TRIM44: variants seen among roughly 807,000 people sequenced by gnomAD.
The protein encoded by TRIM44 is tripartite motif containing 44.
A neutral mutation model predicts 37.4 loss-of-function variants in TRIM44; 13 were observed. The observed-to-expected ratio is 0.35, with a 90% CI of 0.23 to 0.55. The LOEUF (loss-of-function observed/expected upper bound fraction) is 0.55. Ranked by LOEUF, TRIM44 falls within the 20% of genes least tolerant of loss-of-function variation. The probability of loss-of-function intolerance (pLI) is 0.89; values close to 1 mark genes in which losing one functional copy is unlikely to be tolerated. For missense variants in TRIM44, 426 were observed against 437.2 expected (o/e 0.97, Z 0.23); for synonymous variants, 175 against 157.2 (o/e 1.11, Z -0.85).
chr11:35,701,653 T>C (rs1330262023), intron 2 of TRIM44, among the ~76,000 whole-genome samples: 1 of 152,166 alleles, frequency 6.6e-6, no homozygotes, highest in East Asian at 1.9e-4. Flanking sequence ...TGGGCTGTCT[T>C]GAACAGCAGG....
intron 4 of TRIM44, among the ~76,000 whole-genome samples, chr11:35,789,258 C>A (rs915450120): frequency 6.6e-5 from 10 of 151,990 alleles, no homozygotes; most frequent in African/African-American, 2.4e-4. Context: ...GTAGAAGAGC[C>A]ATCTGATATA....
intron 2 of TRIM44, among the ~76,000 whole-genome samples, chr11:35,699,966 A>G (rs920997263): frequency 2.6e-5 from 4 of 152,192 alleles, no homozygotes; most frequent in African/African-American, 9.6e-5. Context: ...AAAGAAATGG[A>G]AGAACATTCC....
intron 4 of TRIM44, among the ~76,000 whole-genome samples, chr11:35,764,874 A>G (rs536165486): frequency 6.6e-6 from 1 of 152,172 alleles, no homozygotes; most frequent in African/African-American, 2.4e-5. Context: ...TCAGTATTAA[A>G]TTTATTATGC....
intron 2 of TRIM44, among the ~76,000 whole-genome samples, chr11:35,713,785 G>A (rs748084730): frequency 2.0e-5 from 3 of 152,130 alleles, no homozygotes; most frequent in Non-Finnish European, 4.4e-5. Context: ...ACAAAGAAGA[G>A]AAAATACCAT....
intron 2 of TRIM44, among the ~76,000 whole-genome samples, chr11:35,697,985 G>A (rs1248959412): frequency 2.0e-5 from 3 of 151,224 alleles, no homozygotes; most frequent in East Asian, 3.9e-4. Context: ...GGGATGGCTG[G>A]GTCAAATGGT....
chr11:35,770,068 G>A lies in TRIM44; in HGVS notation c.1007+34623G>A, dbSNP rs149470897. Among the ~76,000 whole-genome samples, 1,252 of 152,106 alleles carry A rather than the reference G, an allele frequency of 8.2e-3. 25 individuals are homozygous for A. Among genetic ancestry groups the A allele is most frequent in the African/African-American group, 0.029 (1,203 of 41,496 alleles). ...CAACCCTTGCCCCACTCCCTTCCCC[G>A]TCTAGTAGTCCCTAGTGTCTATTAT... On this transcript the variant is annotated intron_variant, in intron 4 of 4. Transcript: ENST00000299413.
At chr11:35,702,296 CG>C (rs1195478835) in intron 2 of TRIM44, among the ~76,000 whole-genome samples, 2 of 152,188 alleles carry the variant, frequency 1.3e-5, no homozygotes, top group Non-Finnish European at 2.9e-5. Context: ...GCCCACGCTC[CG>C]GGAGGGCAGC....
intron 2 of TRIM44, among the ~76,000 whole-genome samples, chr11:35,725,312 T>C (rs908378415): frequency 2.0e-5 from 3 of 152,076 alleles, no homozygotes; most frequent in African/African-American, 4.8e-5. Flanking sequence ...TTAACAGTAA[T>C]TGGGGCGGAG....
At chr11:35,724,676 C>T (rs990893821) in intron 2 of TRIM44, among the ~76,000 whole-genome samples, 1 of 152,152 alleles carries the variant, frequency 6.6e-6, no homozygotes, top group African/African-American at 2.4e-5. Context: ...ATGCCCTAAG[C>T]ATAAATATAG....
chr11:35,801,210 A>G (rs1221930081), intron 4 of TRIM44, among the ~76,000 whole-genome samples: 1 of 152,236 alleles, frequency 6.6e-6, no homozygotes, highest in African/African-American at 2.4e-5. Context: ...TGAAAGTGTG[A>G]GACTTCCCAA....
chr11:35,687,959 C>T (rs1372764964), intron 2 of TRIM44, among the ~76,000 whole-genome samples: 6 of 152,066 alleles, frequency 3.9e-5, no homozygotes, highest in African/African-American at 9.7e-5. Context: ...GAAGGGTGAA[C>T]GTAATTGCAG....
At chr11:35,779,101 G>A (rs1043420478) in intron 4 of TRIM44, among the ~76,000 whole-genome samples, 7 of 152,174 alleles carry the variant, frequency 4.6e-5, no homozygotes, top group Admixed American at 3.9e-4. Context: ...TACCCAGTTC[G>A]AGCTTCCCAG....
At chr11:35,711,517 T>C (rs536922510) in intron 2 of TRIM44, among the ~76,000 whole-genome samples, 6 of 151,734 alleles carry the variant, frequency 4.0e-5, no homozygotes, top group African/African-American at 1.2e-4. Flanking sequence ...ACATATTTCA[T>C]AGGTTGTTGG....
chr11:35,773,996 A>G (rs1852913990), intron 4 of TRIM44, among the ~76,000 whole-genome samples: 2 of 152,192 alleles, frequency 1.3e-5, no homozygotes. Flanking sequence ...CAGTAATGGG[A>G]TGGCTGGGTC....
chr11:35,679,918 CA>C (rs1430758133), intron 1 of TRIM44, among the ~76,000 whole-genome samples: 1 of 152,130 alleles, frequency 6.6e-6, no homozygotes, highest in African/African-American at 2.4e-5. Flanking sequence ...CAGTTGCTGG[CA>C]GTGCTAGTAG....
intron 2 of TRIM44, among the ~76,000 whole-genome samples, chr11:35,706,962 G>A (rs1851893728): frequency 6.6e-6 from 1 of 151,672 alleles, no homozygotes; most frequent in Non-Finnish European, 1.5e-5. Flanking sequence ...AGGAAAAGAG[G>A]AAGTCAAATT....
chr11:35,721,549 G>T (rs1355861746), intron 2 of TRIM44, among the ~76,000 whole-genome samples: 1 of 152,186 alleles, frequency 6.6e-6, no homozygotes, highest in Non-Finnish European at 1.5e-5. Flanking sequence ...CAAAGTGGAG[G>T]TGATGAAAGA....
intron 2 of TRIM44, among the ~76,000 whole-genome samples, chr11:35,699,487 G>A (rs914103381): frequency 1.3e-5 from 2 of 152,010 alleles, no homozygotes; most frequent in African/African-American, 4.8e-5. Context: ...CAAACCCACA[G>A]CCAATATCAT....
At chr11:35,780,736 A>G (rs867387724) in intron 4 of TRIM44, among the ~76,000 whole-genome samples, 1 of 152,138 alleles carries the variant, frequency 6.6e-6, no homozygotes, top group Non-Finnish European at 1.5e-5. Context: ...CCCTACACAT[A>G]TTAAATACAT....
Sources: allele counts gnomAD v4.1 joint callset (sites outside exome capture counted in the v4.1 genomes callset), GRCh38; gene constraint gnomAD v4.1.1; transcripts MANE v1.5; gene names NCBI Gene and HGNC (gene_info 2026-07-23, HGNC 2026-07-21).